The following RUNX1 variants were observed in gnomAD, a reference collection of about 807,000 sequenced individuals.
RUNX1 encodes RUNX family transcription factor 1, also known as runt-related transcription factor 1.
In RUNX1, 19 loss-of-function variants were observed where a neutral mutation model predicts 42.8. That is an observed-to-expected ratio of 0.44 (90% CI 0.31 to 0.65). The LOEUF (loss-of-function observed/expected upper bound fraction) is 0.65. Ranked by LOEUF, RUNX1 falls within the 30% of genes least tolerant of loss-of-function variation. RUNX1 has a pLI of 0.07. For synonymous variants in RUNX1, 271 were observed against 289.4 expected (o/e 0.94, Z 0.64); for missense variants, 528 against 672.0 (o/e 0.79, Z 2.37).
Position 35,038,327 on chromosome 21 carries a change from G to A in RUNX1, c.58+10515C>T, listed in dbSNP as rs77579937. 337 of 328,312 alleles carry A rather than the reference G, an allele frequency of 1.0e-3. 3 individuals are homozygous for A. Among genetic ancestry groups the A allele is most frequent in the African/African-American group, 7.0e-3 (317 of 45,592 alleles). 20.3% of individuals were successfully genotyped at this position (328,312 alleles called of 1,614,324 possible). ...CTGGCCTCCCTATCAAAGGCAACTC[G>A]TAGAAGAAGCCCCTGGTGATAAAGA... On this transcript the variant is annotated intron_variant, in intron 2 of 8. Coordinates refer to ENST00000675419, the MANE Select transcript of RUNX1 (RefSeq NM_001754.5).
chr21:34,937,367 C>G (rs1393985312), intron 2 of RUNX1, among the ~76,000 whole-genome samples: 1 of 141,124 alleles, frequency 7.1e-6, no homozygotes, highest in Non-Finnish European at 1.5e-5. Flanking sequence ...TGAGCTGGAA[C>G]TCCTCCAGTG....
intron 2 of RUNX1, among the ~76,000 whole-genome samples, chr21:34,937,108 G>T (rs1344794296): frequency 6.6e-6 from 1 of 152,034 alleles, no homozygotes; most frequent in Non-Finnish European, 1.5e-5. Context: ...TGCACACATG[G>T]GTCCAATCTT....
intron 2 of RUNX1, among the ~76,000 whole-genome samples, chr21:34,969,130 G>A (rs932892399): frequency 2.6e-5 from 4 of 152,148 alleles, no homozygotes; most frequent in South Asian, 2.1e-4. Context: ...GGCCCAAACC[G>A]GGGCGACTAC....
intron 2 of RUNX1, among the ~76,000 whole-genome samples, chr21:34,955,584 T>C (rs1569123290): frequency 6.6e-6 from 1 of 152,172 alleles, no homozygotes; most frequent in African/African-American, 2.4e-5. Context: ...ATCATTGATG[T>C]GTTGAGTATT....
intron 2 of RUNX1, among the ~76,000 whole-genome samples, chr21:34,971,825 G>C (rs988340039): frequency 6.6e-6 from 1 of 152,138 alleles, no homozygotes; most frequent in African/African-American, 2.4e-5. Context: ...ATATTTTACA[G>C]AACAAGCATA....
chr21:34,827,332 A>C (rs1473740260), intron 7 of RUNX1, among the ~76,000 whole-genome samples: 5 of 152,196 alleles, frequency 3.3e-5, no homozygotes, highest in African/African-American at 7.2e-5. Flanking sequence ...TGATAGCAAA[A>C]GAATGACTTA....
intron 8 of RUNX1, among the ~76,000 whole-genome samples, chr21:34,796,949 G>A (rs2056537476): frequency 6.6e-6 from 1 of 152,252 alleles, no homozygotes; most frequent in Admixed American, 6.5e-5. Flanking sequence ...GGGCCGGGAA[G>A]AGGGGCAGAG....
intron 5 of RUNX1, among the ~76,000 whole-genome samples, chr21:34,861,612 C>T (rs1288305446): frequency 6.6e-6 from 1 of 152,150 alleles, no homozygotes; most frequent in African/African-American, 2.4e-5. Context: ...CACCCCCTCT[C>T]CTCCGCATAC....
intron 2 of RUNX1, among the ~76,000 whole-genome samples, chr21:34,991,686 C>T (rs750971448): frequency 6.6e-6 from 1 of 152,168 alleles, no homozygotes; most frequent in Non-Finnish European, 1.5e-5. Context: ...GGGAACGGCT[C>T]CCACGTCTGT....
intron 7 of RUNX1, among the ~76,000 whole-genome samples, 195 bp from the exon 8 acceptor site, chr21:34,799,657 C>A (rs895436428): frequency 4.6e-5 from 7 of 152,128 alleles, no homozygotes; most frequent in African/African-American, 1.4e-4. Context: ...GAGACTGATT[C>A]TTGGAGATTT....
chr21:34,794,083 A>G (rs987037451), intron 8 of RUNX1, among the ~76,000 whole-genome samples: 4 of 152,292 alleles, frequency 2.6e-5, no homozygotes, highest in African/African-American at 9.6e-5. Flanking sequence ...TATACCAATA[A>G]TATAAATTAA....
intron 7 of RUNX1, chr21:34,821,621 T>G (rs1207895471): frequency 6.4e-7 from 1 of 1,556,122 alleles, no homozygotes; most frequent in African/African-American, 1.4e-5. Flanking sequence ...AAAAGATAGC[T>G]CTATCCTGGC....
At chr21:34,989,270 A>AAGTGCT (rs1245153437) in intron 2 of RUNX1, among the ~76,000 whole-genome samples, 2 of 151,756 alleles carry the variant, frequency 1.3e-5, no homozygotes, top group East Asian at 2.0e-4. Flanking sequence ...CTGCCTCCCA[A>AAGTGCT]AGTGCTGGGA....
rs757030094 is a variant in RUNX1, at chr21:34,792,584, C to T, written c.994G>A (p.Asp332Asn). The T allele has an allele frequency of 1.3e-5, 20 of 1,599,730 alleles. No individual in the cohort carries two copies. In the East Asian group the frequency reaches 4.3e-4, roughly 34 times the overall value. The change falls in exon 9 of 9, where the codon GAC becomes AAC. Residue 332 changes from aspartate to asparagine, a missense_variant. By Grantham distance (23) the Asp-to-Asn change is conservative. Coordinates refer to ENST00000675419, the MANE Select transcript of RUNX1 (RefSeq NM_001754.5). The surrounding 1 kb of genome is among the most constrained non-coding windows in gnomAD (Gnocchi z 6.9). ...GGCAGCGCGGGGAACTGGCGCGGGTCGCTGAACGCTGTCAGGTCGGGTGCC... is the reference window on the plus strand; with the variant it reads ...GGCAGCGCGGGGAACTGGCGCGGGTTGCTGAACGCTGTCAGGTCGGGTGCC... Reference protein sequence around the residue: ...STAPDLTAFSDPRQFPALPSI... With the variant: ...STAPDLTAFSNPRQFPALPSI...
intron 2 of RUNX1, among the ~76,000 whole-genome samples, chr21:34,952,139 C>T (rs1360504109): frequency 6.6e-6 from 1 of 152,144 alleles, no homozygotes; most frequent in Non-Finnish European, 1.5e-5. Flanking sequence ...GAAAACCAAA[C>T]ACTACATGTT....
chr21:34,953,266 CA>C (rs2058621844), intron 2 of RUNX1, among the ~76,000 whole-genome samples: 1 of 152,180 alleles, frequency 6.6e-6, no homozygotes, highest in East Asian at 1.9e-4. Flanking sequence ...TTCTTCCTTT[CA>C]AAAAGTGGCC....
intron 2 of RUNX1, among the ~76,000 whole-genome samples, chr21:34,895,189 G>T (rs980961149): frequency 3.3e-5 from 5 of 152,040 alleles, no homozygotes; most frequent in African/African-American, 1.2e-4. Context: ...AGGTCCATTT[G>T]GCTGAGAAGC....
intron 4 of RUNX1, among the ~76,000 whole-genome samples, chr21:34,882,879 G>C (rs1158384384): frequency 2.0e-5 from 3 of 151,982 alleles, no homozygotes; most frequent in Non-Finnish European, 2.9e-5. Flanking sequence ...GGTAACCCAG[G>C]CTTCTCTATT....
chr21:34,872,385 G>A (rs894056032), intron 5 of RUNX1, among the ~76,000 whole-genome samples: 3 of 152,188 alleles, frequency 2.0e-5, no homozygotes, highest in Non-Finnish European at 4.4e-5. Context: ...CCCACCTGCA[G>A]CCACTCCTCC....
Sources: allele counts gnomAD v4.1 joint callset (sites outside exome capture counted in the v4.1 genomes callset), GRCh38; gene constraint gnomAD v4.1.1; non-coding constraint Gnocchi (gnomAD v3.1); transcripts MANE v1.5; gene names NCBI Gene and HGNC (gene_info 2026-07-23, HGNC 2026-07-21).